NKAIN2: variants seen among roughly 807,000 people sequenced by gnomAD.
NKAIN2 encodes the protein sodium/potassium-transporting ATPase subunit beta-1-interacting protein 2.
A neutral mutation model predicts 32.6 loss-of-function variants in NKAIN2; 14 were observed. That is an observed-to-expected ratio of 0.43 (90% CI 0.28 to 0.67). The LOEUF (loss-of-function observed/expected upper bound fraction) is 0.67. Ranked by LOEUF, NKAIN2 falls within the 30% of genes least tolerant of loss-of-function variation. The pLI is 0.17. For missense variants in NKAIN2, 198 were observed against 258.3 expected (o/e 0.77, Z 1.60); for synonymous variants, 80 against 87.2 (o/e 0.92, Z 0.46).
intron 2 of NKAIN2, among the ~76,000 whole-genome samples, chr6:124,311,933 C>A (rs1355359031): frequency 6.6e-6 from 1 of 152,090 alleles, no homozygotes; most frequent in Non-Finnish European, 1.5e-5. Flanking sequence ...CCTTTACTCC[C>A]AATAACTACT....
intron 1 of NKAIN2, among the ~76,000 whole-genome samples, chr6:124,108,819 G>A (rs1404074109): frequency 2.0e-5 from 3 of 152,064 alleles, no homozygotes; most frequent in Non-Finnish European, 1.5e-5. Flanking sequence ...TAGATACACT[G>A]GCAATCTTGT....
Position 124,824,080 on chromosome 6 carries a change from G to A in NKAIN2, c.*851G>A, listed in dbSNP as rs1243729684. 1 of 152,224 alleles carries A rather than the reference G, an allele frequency of 6.6e-6. No individual in the cohort carries two copies. The highest frequency in any genetic ancestry group is 1.5e-5 in the Non-Finnish European group (1 of 68,042). The allele number at this position is 152,224 out of a possible 1,614,324, so 9.4% of individuals were successfully genotyped here. A position where few individuals can be genotyped will look rare whatever the true frequency, so the allele number is the denominator to read the frequency against. ...ATATGGTCTTCTGATGGGGTTGGGG[G>A]TGGGACAGAGTAAAACATTAATCTA... On this transcript the variant is annotated 3_prime_UTR_variant, in exon 7 of 7. Coordinates refer to ENST00000368417, the MANE Select transcript of NKAIN2 (RefSeq NM_001040214.3).
At chr6:124,110,698 C>A (rs544174108) in intron 1 of NKAIN2, among the ~76,000 whole-genome samples, 1 of 152,072 alleles carries the variant, frequency 6.6e-6, no homozygotes, top group Non-Finnish European at 1.5e-5. Context: ...CCTCCATCTG[C>A]ATCCGTGTTG....
intron 3 of NKAIN2, among the ~76,000 whole-genome samples, chr6:124,578,608 G>T (rs891617191): frequency 6.6e-6 from 1 of 152,100 alleles, no homozygotes; most frequent in African/African-American, 2.4e-5. Flanking sequence ...CCCTGCTCCT[G>T]TATGGCATCT....
chr6:124,336,687 T>TG (rs1797884550), intron 2 of NKAIN2, among the ~76,000 whole-genome samples: 1 of 151,034 alleles, frequency 6.6e-6, no homozygotes, highest in Non-Finnish European at 1.5e-5. Flanking sequence ...TGTTTGTTTT[T>TG]TTTTTGAGAC....
At chr6:124,812,850 G>A (rs1276325795) in intron 5 of NKAIN2, among the ~76,000 whole-genome samples, 1 of 151,424 alleles carries the variant, frequency 6.6e-6, no homozygotes, top group Non-Finnish European at 1.5e-5. Context: ...CATGAACTAT[G>A]TTTTCTACCT....
rs1025675453 is a variant in NKAIN2 at position 124,245,417 on chromosome 6, T to C, written c.55-37588T>C. Among the ~76,000 whole-genome samples the C allele has an allele frequency of 3.3e-5, 5 of 152,204 alleles. No homozygotes were observed. The South Asian group carries it at 8.3e-4, about 25-fold the overall frequency. ...ACTTAATTTAGCATAGAATTTGGAATCCACAGGAGTGTTATATATATATTT... is the reference window on the plus strand; with the variant it reads ...ACTTAATTTAGCATAGAATTTGGAACCCACAGGAGTGTTATATATATATTT... On this transcript the variant is annotated intron_variant, in intron 1 of 6. Transcript: ENST00000368417.
chr6:124,402,464 C>A (rs1329110765), intron 3 of NKAIN2, among the ~76,000 whole-genome samples: 2 of 152,194 alleles, frequency 1.3e-5, no homozygotes, highest in East Asian at 3.9e-4. Context: ...TACGATTTAA[C>A]TGTTCTATTT....
chr6:124,364,609 T>C (rs1799440217), intron 3 of NKAIN2, among the ~76,000 whole-genome samples: 1 of 151,992 alleles, frequency 6.6e-6, no homozygotes, highest in Non-Finnish European at 1.5e-5. Context: ...TGCTTTAAAA[T>C]GCCAACCTAG....
chr6:123,805,693 A>C (rs1025172791), intron 1 of NKAIN2, among the ~76,000 whole-genome samples: 1 of 152,194 alleles, frequency 6.6e-6, no homozygotes, highest in African/African-American at 2.4e-5. Flanking sequence ...ACAATGAGGG[A>C]GTTTACTTTG....
chr6:124,717,951 C>T (rs1212602337), intron 4 of NKAIN2, among the ~76,000 whole-genome samples: 20 of 151,996 alleles, frequency 1.3e-4, no homozygotes, highest in Admixed American at 1.3e-3. Flanking sequence ...AAAAGAAAAC[C>T]CTGAGTTAAA....
chr6:124,750,552 A>G (rs934539888), intron 4 of NKAIN2, among the ~76,000 whole-genome samples: 7 of 151,418 alleles, frequency 4.6e-5, no homozygotes, highest in Admixed American at 2.0e-4. Context: ...TGGATATGAG[A>G]TAAATGTAGA....
At chr6:124,084,927 T>A (rs1784124823) in intron 1 of NKAIN2, among the ~76,000 whole-genome samples, 1 of 151,974 alleles carries the variant, frequency 6.6e-6, no homozygotes, top group Admixed American at 6.6e-5. Flanking sequence ...TGCTGAAAAG[T>A]AGTGCACAGC....
chr6:123,808,617 G>C (rs1046854193), intron 1 of NKAIN2, among the ~76,000 whole-genome samples: 27 of 152,124 alleles, frequency 1.8e-4, no homozygotes, highest in Non-Finnish European at 8.8e-5. Flanking sequence ...CTTGAATACA[G>C]CTAAAGTTTC....
intron 4 of NKAIN2, among the ~76,000 whole-genome samples, chr6:124,668,408 TATC>T (rs1381237337): frequency 3.3e-5 from 5 of 152,242 alleles, no homozygotes; most frequent in African/African-American, 1.2e-4. Context: ...TTGATTAGCT[TATC>T]ATCAACAACG....
intron 4 of NKAIN2, among the ~76,000 whole-genome samples, chr6:124,662,698 CTT>C (rs1784792018): frequency 6.6e-6 from 1 of 152,168 alleles, no homozygotes; most frequent in Non-Finnish European, 1.5e-5. Flanking sequence ...CTTTGAAACT[CTT>C]TATCCAAGTG....
chr6:124,747,281 C>T (rs541621009), intron 4 of NKAIN2, among the ~76,000 whole-genome samples: 2 of 151,970 alleles, frequency 1.3e-5, no homozygotes, highest in South Asian at 4.1e-4. Flanking sequence ...GTCCTTGTCC[C>T]TTATTCTAAT....
In NKAIN2 at chr6:123,918,296, C is replaced by T. The variant is rs139076340; in HGVS notation, c.54+114042C>T. ...CATGTTGTTAATAATGCAGATTAAACTTAAAAGTACAACATAGCTATATGC... is the reference window on the plus strand; with the variant it reads ...CATGTTGTTAATAATGCAGATTAAATTTAAAAGTACAACATAGCTATATGC... On this transcript the variant is annotated intron_variant, in intron 1 of 6. Coordinates refer to ENST00000368417, the MANE Select transcript of NKAIN2 (RefSeq NM_001040214.3). Among the ~76,000 whole-genome samples, 301 of 152,234 alleles carry T rather than the reference C, an allele frequency of 2.0e-3. 1 individual carries two copies. The highest frequency in any genetic ancestry group is 3.5e-3 in the Non-Finnish European group (236 of 68,012).
chr6:124,711,639 G>C (rs969094697), intron 4 of NKAIN2, among the ~76,000 whole-genome samples: 1 of 150,334 alleles, frequency 6.7e-6, no homozygotes, highest in Non-Finnish European at 1.5e-5. Context: ...CATTCTTCAC[G>C]TAGTTCTCGA....
Sources: gnomAD v4.1 joint callset for allele counts (sites outside exome capture counted in the v4.1 genomes callset) on GRCh38, gnomAD v4.1.1 for gene constraint, MANE v1.5 for transcripts, NCBI Gene and HGNC (gene_info 2026-07-23, HGNC 2026-07-21) for gene names.